Variants in GLRA1 observed in about 807,000 individuals in gnomAD.
The protein encoded by GLRA1 is glycine receptor alpha 1, also known as glycine receptor subunit alpha-1.
A neutral mutation model predicts 48.3 loss-of-function variants in GLRA1; 37 were observed. The observed-to-expected ratio is 0.77, with a 90% CI of 0.59 to 1.01. The LOEUF (loss-of-function observed/expected upper bound fraction) is 1.01. Among genes scored for constraint, GLRA1 ranks in the 50% least tolerant of loss-of-function variants. The pLI is 0.00. For synonymous variants in GLRA1, 196 were observed against 210.7 expected, an observed-to-expected ratio of 0.93 and a Z score of 0.60; for missense variants, 427 against 571.0, an observed-to-expected ratio of 0.75 and a Z score of 2.57.
chr5:151,901,769 G>A (rs1393561071), intron 1 of GLRA1, among the ~76,000 whole-genome samples: 1 of 152,094 alleles, frequency 6.6e-6, no homozygotes, highest in Non-Finnish European at 1.5e-5. Context: ...GACAGTAATG[G>A]CTATCATTCA....
chr5:151,853,308 G>A (rs542558488), intron 6 of GLRA1, among the ~76,000 whole-genome samples: 123 of 151,994 alleles, frequency 8.1e-4, no homozygotes, highest in Non-Finnish European at 1.4e-3. Context: ...GTGCAGTGGC[G>A]TGATCTCAGC....
At chr5:151,851,202 G>A (rs778208844) in intron 7 of GLRA1, among the ~76,000 whole-genome samples, 188 bp downstream of exon 7, 35 of 152,230 alleles carry the variant, frequency 2.3e-4, no homozygotes, top group Non-Finnish European at 4.1e-4. Flanking sequence ...ACATAATGTT[G>A]AGTCTGGTGG....
At chr5:151,865,094 G>A (rs1180986794) in intron 3 of GLRA1, among the ~76,000 whole-genome samples, 2 of 152,150 alleles carry the variant, frequency 1.3e-5, no homozygotes, top group African/African-American at 4.8e-5. Flanking sequence ...GCTAATTGTT[G>A]TTAGTTTTAT....
At chr5:151,896,907 A>G (rs1656562711) in intron 1 of GLRA1, among the ~76,000 whole-genome samples, 1 of 152,240 alleles carries the variant, frequency 6.6e-6, no homozygotes, top group African/African-American at 2.4e-5. Flanking sequence ...GCTGCTTGCC[A>G]ATGTTCTGAG....
chr5:151,908,176 G>C (rs1200180658), intron 1 of GLRA1, among the ~76,000 whole-genome samples: 1 of 152,172 alleles, frequency 6.6e-6, no homozygotes, highest in Admixed American at 6.5e-5. Flanking sequence ...ATCAGTCTAG[G>C]CTCCTACCAA....
Position 151,867,223 on chromosome 5 carries a change from G to A in GLRA1, c.253-7215C>T, listed in dbSNP as rs376220402. 1.6e-4 allele frequency among the ~76,000 whole-genome samples: 25 copies of A among 152,326 alleles called. No homozygotes were observed. The East Asian group carries it at 3.9e-3, about 23-fold the overall frequency. On this transcript the variant is annotated intron_variant, in intron 3 of 8. Transcript: ENST00000274576. ...TGGAAAAGCTTTTCAGGAGAAGGTA[G>A]CATTTGAGGTGGCCCCTTTCAGTTT... is the stretch of plus-strand genomic sequence containing the variant.
At chr5:151,870,520 G>C (rs192763763) in intron 3 of GLRA1, among the ~76,000 whole-genome samples, 1 of 149,948 alleles carries the variant, frequency 6.7e-6, no homozygotes, top group Non-Finnish European at 1.5e-5. Flanking sequence ...CAATGACTTA[G>C]GATGGGCATG....
At chr5:151,900,492 T>G (rs1490876103) in intron 1 of GLRA1, among the ~76,000 whole-genome samples, 1 of 151,946 alleles carries the variant, frequency 6.6e-6, no homozygotes, top group Non-Finnish European at 1.5e-5. Flanking sequence ...ATGTGGACTC[T>G]GAATTGCACA....
At chr5:151,876,947 C>G (rs1753641997) in intron 3 of GLRA1, among the ~76,000 whole-genome samples, 1 of 152,148 alleles carries the variant, frequency 6.6e-6, no homozygotes, top group Non-Finnish European at 1.5e-5. Context: ...CTCTCTCTCT[C>G]TCTGTCTCTC....
At chr5:151,831,527 C>T (rs1344701459) in intron 7 of GLRA1, among the ~76,000 whole-genome samples, 1 of 152,168 alleles carries the variant, frequency 6.6e-6, no homozygotes, top group East Asian at 1.9e-4. Context: ...GTAAACAAAG[C>T]TGCCAGGAAG....
intron 7 of GLRA1, among the ~76,000 whole-genome samples, chr5:151,832,200 G>T (rs1272715681): frequency 3.3e-5 from 5 of 152,218 alleles, no homozygotes; most frequent in Admixed American, 3.3e-4. Context: ...GGAAAAGCCA[G>T]CACAAAAAGG....
rs745688036 is a variant in GLRA1 at position 151,872,131 on chromosome 5, A to C, written c.253-12123T>G. On this transcript the variant is annotated intron_variant, in intron 3 of 8. Transcript: ENST00000274576. ...AAAGATAGCATTTCAAATTAGTAGAAAAACAGTGACTGTTTAAGAAATGGT... is the reference window on the plus strand; with the variant it reads ...AAAGATAGCATTTCAAATTAGTAGACAAACAGTGACTGTTTAAGAAATGGT... Among the ~76,000 whole-genome samples the C allele has an allele frequency of 1.7e-4, 26 of 149,790 alleles. 2 individuals are homozygous for C. Among genetic ancestry groups the C allele is most frequent in the Non-Finnish European group, 3.2e-4 (22 of 68,044 alleles).
intron 8 of GLRA1, 172 bp from the exon 9 acceptor site, chr5:151,823,135 A>G (rs1478660662): frequency 3.3e-6 from 2 of 611,156 alleles, no homozygotes; most frequent in Non-Finnish European, 5.6e-6. Flanking sequence ...GTTCTGCCTT[A>G]TAGAGGGGCG....
chr5:151,915,457 T>C (rs1029636222), intron 1 of GLRA1, among the ~76,000 whole-genome samples: 1 of 152,062 alleles, frequency 6.6e-6, no homozygotes, highest in African/African-American at 2.4e-5. Context: ...GCAGCACTGA[T>C]TGCAGTGGGA....
At chr5:151,923,544 C>T (rs1298966000) in intron 1 of GLRA1, among the ~76,000 whole-genome samples, 11 of 152,166 alleles carry the variant, frequency 7.2e-5, no homozygotes, top group African/African-American at 2.2e-4. Context: ...TGGAATTTAT[C>T]ATAGCCATCT....
chr5:151,832,221 C>CA (rs1338616203), intron 7 of GLRA1, among the ~76,000 whole-genome samples: 1 of 152,152 alleles, frequency 6.6e-6, no homozygotes, highest in African/African-American at 2.4e-5. Context: ...CTGAAAATTC[C>CA]AAAAACCAGA....
chr5:151,896,254 G>A (rs183299281), intron 1 of GLRA1, among the ~76,000 whole-genome samples: 1 of 152,196 alleles, frequency 6.6e-6, no homozygotes, highest in Non-Finnish European at 1.5e-5. Flanking sequence ...CCTTGGCACT[G>A]AGCCGAAGTG....
At chr5:151,850,482 ACT>A in intron 7 of GLRA1, 6 of 1,029,184 alleles carry the variant, frequency 5.8e-6, no homozygotes, top group Non-Finnish European at 7.7e-6. Flanking sequence ...TCTGAAGTAC[ACT>A]GAGGAGGCCA....
chr5:151,878,204 T>C (rs562677416), intron 3 of GLRA1, among the ~76,000 whole-genome samples: 1 of 152,276 alleles, frequency 6.6e-6, no homozygotes, highest in South Asian at 2.1e-4. Flanking sequence ...GTGACGCTTG[T>C]TATGTTTTAG....
Sources: gnomAD v4.1 joint callset for allele counts (sites outside exome capture counted in the v4.1 genomes callset) on GRCh38, gnomAD v4.1.1 for gene constraint, MANE v1.5 for transcripts, NCBI Gene and HGNC (gene_info 2026-07-23, HGNC 2026-07-21) for gene names.